The following STYK1 variants were observed in gnomAD, a reference collection of about 807,000 sequenced individuals.
The protein encoded by STYK1 is tyrosine-protein kinase STYK1.
Under a neutral mutation model 48.1 loss-of-function variants are expected in STYK1, and 46 were observed. That is an observed-to-expected ratio of 0.96 (90% CI 0.75 to 1.22). The LOEUF (loss-of-function observed/expected upper bound fraction) is 1.22, where lower values mean the gene tolerates loss of function less well. Ranked by LOEUF, STYK1 falls within the 50% of genes most tolerant of loss-of-function variation. STYK1 has a pLI of 0.00. For missense variants in STYK1, 527 were observed against 521.1 expected, an observed-to-expected ratio of 1.01 and a Z score of -0.11; for synonymous variants, 188 against 189.0, an observed-to-expected ratio of 0.99 and a Z score of 0.04.
chr12:10,661,727 G>A (rs184761199), intron 1 of STYK1, among the ~76,000 whole-genome samples: 1 of 152,332 alleles, frequency 6.6e-6, no homozygotes, highest in East Asian at 1.9e-4. Context: ...CTAGTAAGCA[G>A]TGAAGATGGA....
intron 4 of STYK1, among the ~76,000 whole-genome samples, chr12:10,633,633 A>ATCCTATGTCATCC (rs1288578084): frequency 2.0e-5 from 3 of 152,078 alleles, no homozygotes; most frequent in Non-Finnish European, 4.4e-5. Flanking sequence ...TCATAGGGTG[A>ATCCTATGTCATCC]TATGTCATCC....
intron 6 of STYK1, among the ~76,000 whole-genome samples, chr12:10,628,938 T>A (rs1453652877): frequency 1.3e-5 from 2 of 152,170 alleles, no homozygotes; most frequent in Non-Finnish European, 2.9e-5. Context: ...ATATAAACAA[T>A]ATAAAGATAA....
chr12:10,627,558 ATAT>A lies in STYK1; in HGVS notation c.717+80_717+82del, dbSNP rs1947372237. On this transcript the variant is annotated intron_variant, in intron 7 of 10. Coordinates refer to ENST00000075503, the MANE Select transcript of STYK1 (RefSeq NM_018423.3). ...TTTAAAACATACACACCACTTGAGA[ATAT>A]TAATATGAGAAATATGGCATCAAAA... The A allele has an allele frequency of 7.9e-6, 10 of 1,266,454 alleles. No individual in the cohort carries two copies. The South Asian group carries it at 1.3e-4, about 17-fold the overall frequency. The allele number at this position is 1,266,454 out of a possible 1,614,324, so 78.5% of individuals were successfully genotyped here.
At chr12:10,652,160 T>C (rs992642025) in intron 1 of STYK1, among the ~76,000 whole-genome samples, 18 of 152,332 alleles carry the variant, frequency 1.2e-4, no homozygotes, top group African/African-American at 4.1e-4. Flanking sequence ...AAACTCTTGT[T>C]ATCTCCTTTT....
At chr12:10,644,854 G>A (rs1947582117) in intron 1 of STYK1, among the ~76,000 whole-genome samples, 1 of 152,086 alleles carries the variant, frequency 6.6e-6, no homozygotes, top group African/African-American at 2.4e-5. Flanking sequence ...GGATTCATAA[G>A]GGAAGTCTGG....
intron 1 of STYK1, among the ~76,000 whole-genome samples, chr12:10,667,116 A>G (rs1947841691): frequency 1.3e-5 from 2 of 152,222 alleles, no homozygotes; most frequent in Admixed American, 1.3e-4. Flanking sequence ...CTGTTATCTA[A>G]CAATTTTTAA....
At chr12:10,636,742 G>A (rs1028139297) in intron 2 of STYK1, among the ~76,000 whole-genome samples, 3 of 152,142 alleles carry the variant, frequency 2.0e-5, no homozygotes, top group Non-Finnish European at 2.9e-5. Flanking sequence ...CATTCAGGGA[G>A]CAGCCAGTTT....
chr12:10,662,652 T>C (rs1947789832), intron 1 of STYK1, among the ~76,000 whole-genome samples: 1 of 152,254 alleles, frequency 6.6e-6, no homozygotes, highest in South Asian at 2.1e-4. Context: ...TGGCCACTTG[T>C]ATATCTTCTT....
chr12:10,642,917 T>C (rs1419735969), intron 1 of STYK1, among the ~76,000 whole-genome samples: 1 of 152,208 alleles, frequency 6.6e-6, no homozygotes, highest in Admixed American at 6.5e-5. Flanking sequence ...TTCTTCTGTC[T>C]CTAAATTTTT....
At chr12:10,633,182 G>A (rs987722592) in intron 4 of STYK1, among the ~76,000 whole-genome samples, 7 of 152,144 alleles carry the variant, frequency 4.6e-5, no homozygotes, top group South Asian at 2.1e-4. Flanking sequence ...CAAGTAAGAC[G>A]AAGACTAAGA....
At chr12:10,647,594 T>G (rs1298080254) in intron 1 of STYK1, among the ~76,000 whole-genome samples, 1 of 152,018 alleles carries the variant, frequency 6.6e-6, no homozygotes, top group African/African-American at 2.4e-5. Flanking sequence ...AGTTAAGATT[T>G]TGGGGGACGG....
chr12:10,620,991 G>A (rs1316042793), intron 10 of STYK1, among the ~76,000 whole-genome samples: 1 of 152,070 alleles, frequency 6.6e-6, no homozygotes, highest in Non-Finnish European at 1.5e-5. Flanking sequence ...TATATTCTGT[G>A]CGTGTGTGTG....
chr12:10,622,032 A>T, intron 9 of STYK1, 60 bp from the exon 10 acceptor site: 1 of 1,458,026 alleles, frequency 6.9e-7, no homozygotes, highest in Admixed American at 1.7e-5. Flanking sequence ...TGTAACTAAC[A>T]CTATTCTTCA....
chr12:10,659,000 T>C (rs1485741140), intron 1 of STYK1, among the ~76,000 whole-genome samples: 1 of 152,180 alleles, frequency 6.6e-6, no homozygotes, highest in Non-Finnish European at 1.5e-5. Context: ...TAACAGGATT[T>C]GACAGGTGCT....
intron 8 of STYK1, among the ~76,000 whole-genome samples, chr12:10,623,222 C>A (rs1283796958): frequency 6.6e-6 from 1 of 152,130 alleles, no homozygotes; most frequent in Non-Finnish European, 1.5e-5. Flanking sequence ...GTGTATAGTT[C>A]ACTATTCTGT....
chr12:10,643,859 A>G (rs1947571680), intron 1 of STYK1, among the ~76,000 whole-genome samples: 2 of 152,228 alleles, frequency 1.3e-5, no homozygotes, highest in Non-Finnish European at 2.9e-5. Context: ...CTGTGCAGGT[A>G]GGCGAGAGGC....
intron 7 of STYK1, among the ~76,000 whole-genome samples, chr12:10,625,214 G>T (rs552243834): frequency 2.0e-4 from 30 of 149,246 alleles, no homozygotes; most frequent in African/African-American, 6.9e-4. Flanking sequence ...TTTTTTGTTT[G>T]TTTGTTTGTT....
intron 1 of STYK1, among the ~76,000 whole-genome samples, chr12:10,663,577 C>T (rs140664564): frequency 4.6e-4 from 56 of 121,714 alleles, no homozygotes; most frequent in African/African-American, 1.6e-3. Context: ...CCAGCCTGGG[C>T]GACAGAACGA....
intron 8 of STYK1, among the ~76,000 whole-genome samples, 184 bp downstream of exon 8, chr12:10,624,467 C>T (rs1412984291): frequency 6.6e-6 from 1 of 151,748 alleles, no homozygotes; most frequent in African/African-American, 2.4e-5. Flanking sequence ...GAAAAAGTAC[C>T]AAAAAGGATT....
Sources: allele counts gnomAD v4.1 joint callset (sites outside exome capture counted in the v4.1 genomes callset), GRCh38; gene constraint gnomAD v4.1.1; transcripts MANE v1.5; gene names NCBI Gene and HGNC (gene_info 2026-07-23, HGNC 2026-07-21).